SEZ6: variants seen among roughly 807,000 people sequenced by gnomAD.
The protein encoded by SEZ6 is seizure related 6 homolog.
SEZ6 carries 53 observed loss-of-function variants against 101.0 expected under a neutral mutation model. That is an observed-to-expected ratio of 0.52 (90% CI 0.42 to 0.66). The LOEUF (loss-of-function observed/expected upper bound fraction) is 0.66, where lower values mean the gene tolerates loss of function less well. Ranked by LOEUF, SEZ6 falls within the 30% of genes least tolerant of loss-of-function variation. The probability of loss-of-function intolerance (pLI) is 0.00; values close to 1 mark genes in which losing one functional copy is unlikely to be tolerated. For synonymous variants in SEZ6, 488 were observed against 512.2 expected, an observed-to-expected ratio of 0.95 and a Z score of 0.64; for missense variants, 1,102 against 1,289.4, an observed-to-expected ratio of 0.85 and a Z score of 2.23.
chr17:29,001,531 G>A (rs577868134), intron 1 of SEZ6, among the ~76,000 whole-genome samples: 1 of 152,342 alleles, frequency 6.6e-6, no homozygotes, highest in East Asian at 1.9e-4. Flanking sequence ...GGAAGTGTCA[G>A]CTAAGCTAAT....
At chr17:28,970,181 T>C (rs562901023) in intron 3 of SEZ6, among the ~76,000 whole-genome samples, 5 of 152,288 alleles carry the variant, frequency 3.3e-5, no homozygotes, top group East Asian at 1.9e-4. Flanking sequence ...CAAGGTCACA[T>C]AGAGATTCTT....
At chr17:28,970,357 A>C (rs923424762) in intron 3 of SEZ6, among the ~76,000 whole-genome samples, 3 of 152,092 alleles carry the variant, frequency 2.0e-5, no homozygotes, top group Non-Finnish European at 2.9e-5. Flanking sequence ...CAGCAGTATG[A>C]GGTCTTAAAT....
intron 1 of SEZ6, among the ~76,000 whole-genome samples, chr17:28,991,727 A>C (rs1176332630): frequency 6.6e-6 from 1 of 152,098 alleles, no homozygotes; most frequent in Non-Finnish European, 1.5e-5. Context: ...GGAGCCCTGG[A>C]CTTCTTCGAG....
intron 4 of SEZ6, among the ~76,000 whole-genome samples, chr17:28,967,672 C>T (rs948866701): frequency 6.6e-6 from 1 of 152,146 alleles, no homozygotes; most frequent in African/African-American, 2.4e-5. Context: ...CAGCATTTCC[C>T]CTTACATCTT....
intron 1 of SEZ6, among the ~76,000 whole-genome samples, chr17:28,999,061 A>T (rs530872952): frequency 6.6e-6 from 1 of 152,258 alleles, no homozygotes; most frequent in East Asian, 1.9e-4. Flanking sequence ...CAATCAAAGC[A>T]CCTGGTAGCT....
intron 3 of SEZ6, among the ~76,000 whole-genome samples, chr17:28,974,811 C>T (rs1244398378): frequency 1.3e-5 from 2 of 152,138 alleles, no homozygotes; most frequent in Admixed American, 6.5e-5. Flanking sequence ...TGACAGGTAC[C>T]GGTCTCCGCC....
At chr17:28,979,248 G>A (rs548987188) in intron 3 of SEZ6, among the ~76,000 whole-genome samples, 1 of 152,278 alleles carries the variant, frequency 6.6e-6, no homozygotes, top group African/African-American at 2.4e-5. Flanking sequence ...CTCTCTGATG[G>A]TGTAATCAGG....
intron 3 of SEZ6, 79 bp downstream of exon 3, chr17:28,979,601 C>T (rs879187346): frequency 6.3e-7 from 1 of 1,584,960 alleles, no homozygotes; most frequent in African/African-American, 1.3e-5. Context: ...ATCCCCACAT[C>T]CTCTCATAGC....
rs966208206 is a variant in SEZ6 at position 28,955,334 on chromosome 17, A to G, written c.*628T>C. The G allele has an allele frequency of 3.9e-6, 1 of 258,560 alleles. No homozygotes were observed. The highest frequency in any genetic ancestry group is 2.2e-5 in the African/African-American group (1 of 45,096). 16.0% of individuals were successfully genotyped at this position (258,560 alleles called of 1,614,324 possible). On this transcript the variant is annotated 3_prime_UTR_variant, in exon 17 of 17. Coordinates refer to ENST00000317338, the MANE Select transcript of SEZ6 (RefSeq NM_178860.5). ...GAGCATGAGTGCCCAGGGAAGCCCAACCTGAGGTGGGGGTAGGGTCCCCCT... is the reference window on the plus strand; with the variant it reads ...GAGCATGAGTGCCCAGGGAAGCCCAGCCTGAGGTGGGGGTAGGGTCCCCCT...
intron 3 of SEZ6, among the ~76,000 whole-genome samples, chr17:28,974,087 A>G (rs1205731653): frequency 6.6e-6 from 1 of 152,220 alleles, no homozygotes; most frequent in Non-Finnish European, 1.5e-5. Context: ...CTGTCCCCAT[A>G]GAAGCTGTCA....
rs765532726 is a variant in SEZ6 at position 28,959,792 on chromosome 17, G to A, written c.1677C>T (p.Cys559=). Residue 559 remains cysteine, a synonymous_variant, in exon 8 of 17, where the codon TGC becomes TGT. Coordinates refer to ENST00000317338, the MANE Select transcript of SEZ6 (RefSeq NM_178860.5). The surrounding 1 kb of genome is among the most constrained non-coding windows in gnomAD (Gnocchi z 4.4). Reference sequence around the variant, plus strand: ...CCTGCTCCAGGGTGTAGCCAGGGTCGCAGCTGAACTCCACAGTGGTACCCA... The same window carrying A: ...CCTGCTCCAGGGTGTAGCCAGGGTCACAGCTGAACTCCACAGTGGTACCCA... ...YPVGTTVEFS[C]DPGYTLEQGS... is the part of the protein sequence containing the mutation. The A allele has an allele frequency of 9.3e-6, 15 of 1,613,824 alleles. No homozygotes were observed. The highest frequency in any genetic ancestry group is 1.7e-4 in the Middle Eastern group (1 of 6,036).
intron 3 of SEZ6, among the ~76,000 whole-genome samples, chr17:28,974,111 C>T (rs1347135425): frequency 2.0e-5 from 3 of 152,236 alleles, no homozygotes; most frequent in Non-Finnish European, 4.4e-5. Flanking sequence ...AGGCCTCCAG[C>T]ACGTGCCCTA....
intron 1 of SEZ6, among the ~76,000 whole-genome samples, chr17:28,983,602 G>A (rs2041339793): frequency 6.6e-6 from 1 of 151,890 alleles, no homozygotes; most frequent in African/African-American, 2.4e-5. Flanking sequence ...TGCATATTCT[G>A]CTTGTGGCCC....
chr17:28,999,106 G>A (rs2041581095), intron 1 of SEZ6, among the ~76,000 whole-genome samples: 2 of 152,162 alleles, frequency 1.3e-5, no homozygotes, highest in South Asian at 4.1e-4. Flanking sequence ...AGAATGGAAG[G>A]ATGGATGGAT....
At chr17:28,986,494 A>G (rs2041386249) in intron 1 of SEZ6, among the ~76,000 whole-genome samples, 1 of 152,180 alleles carries the variant, frequency 6.6e-6, no homozygotes, top group Admixed American at 6.5e-5. Context: ...CCAGCTAGGT[A>G]GGTGTTATGG....
At chr17:28,994,997 C>T (rs556020731) in intron 1 of SEZ6, among the ~76,000 whole-genome samples, 3 of 151,862 alleles carry the variant, frequency 2.0e-5, no homozygotes, top group East Asian at 1.9e-4. Context: ...CTCAGCCTCC[C>T]GAGTAGCTAG....
At position 28,957,392 on chromosome 17, in the gene SEZ6, T is replaced by A; in HGVS notation, c.2450A>T (p.Gln817Leu). 1 of 1,613,764 alleles carries A rather than the reference T, an allele frequency of 6.2e-7. No homozygotes were observed. The highest frequency in any genetic ancestry group is 1.3e-5 in the African/African-American group (1 of 75,040). The change falls in exon 12 of 17, where the codon CAG (glutamine) becomes CTG (leucine). Residue 817 changes from glutamine to leucine, a missense_variant. Coordinates refer to ENST00000317338, the MANE Select transcript of SEZ6 (RefSeq NM_178860.5). ...GSSILTCHDR[Q>L]AGSPKWSDRA... ...GTCACTCCACTTGGGGCTGCCAGCC[T>A]GGCGATCATGGCAGGTGAGGATGGA...
At chr17:28,994,379 G>A (rs547135615) in intron 1 of SEZ6, among the ~76,000 whole-genome samples, 190 of 152,232 alleles carry the variant, frequency 1.2e-3, no homozygotes, top group Admixed American at 4.4e-3. Flanking sequence ...AGGTTCAAGC[G>A]ATTCTCTTGC....
At chr17:28,984,766 G>T (rs1197723395) in intron 1 of SEZ6, among the ~76,000 whole-genome samples, 1 of 152,224 alleles carries the variant, frequency 6.6e-6, no homozygotes, top group Non-Finnish European at 1.5e-5. Flanking sequence ...GGTTGACTCT[G>T]TTGGAGGCCT....
Sources: allele counts gnomAD v4.1 joint callset (sites outside exome capture counted in the v4.1 genomes callset), GRCh38; gene constraint gnomAD v4.1.1; non-coding constraint Gnocchi (gnomAD v3.1); transcripts MANE v1.5; gene names NCBI Gene and HGNC (gene_info 2026-07-23, HGNC 2026-07-21).